Variants in ZNF544 observed in about 807,000 individuals in gnomAD.
ZNF544 encodes the protein zinc finger protein 544.
ZNF544 carries 10 observed loss-of-function variants against 13.5 expected under a neutral mutation model. The observed-to-expected ratio is 0.74, with a 90% CI of 0.46 to 1.25. The LOEUF (loss-of-function observed/expected upper bound fraction) is 1.25. ZNF544 is among the 50% of genes most tolerant of loss of function. The probability of loss-of-function intolerance (pLI) is 0.00; values close to 1 mark genes in which losing one functional copy is unlikely to be tolerated. For synonymous variants in ZNF544, 323 were observed against 300.5 expected, an observed-to-expected ratio of 1.07 and a Z score of -0.77; for missense variants, 896 against 845.6, an observed-to-expected ratio of 1.06 and a Z score of -0.74.
At chr19:58,269,196 A>G (rs1295340063) in intron 5 of ZNF544, among the ~76,000 whole-genome samples, 1 of 152,138 alleles carries the variant, frequency 6.6e-6, no homozygotes, top group African/African-American at 2.4e-5. Flanking sequence ...GCTCTTTGGG[A>G]GGCTGAGGCA....
In ZNF544 at chr19:58,246,583, G is replaced by C. The variant is rs2045268858; in HGVS notation, c.161-128G>C. The C allele has an allele frequency of 2.7e-6, 4 of 1,458,224 alleles. No individual in the cohort carries two copies. The South Asian group carries it at 3.9e-5, about 14-fold the overall frequency. The allele number at this position is 1,458,224 out of a possible 1,614,324, so 90.3% of individuals were successfully genotyped here. On this transcript the variant is annotated intron_variant, in intron 5 of 6. Coordinates refer to ENST00000687789, the MANE Select transcript of ZNF544 (RefSeq NM_014480.4). ...TGCCCTTCATTCTATCTCTGGGACA[G>C]GTTTGTGACTTGTAGTCCTAACAGT...
chr19:58,232,765 T>TAAAA (rs529610316), intron 3 of ZNF544, among the ~76,000 whole-genome samples: 5 of 108,164 alleles, frequency 4.6e-5, no homozygotes, highest in African/African-American at 6.6e-5. Context: ...CCGTCTCTAC[T>TAAAA]AAAAAAAAAA....
chr19:58,269,541 G>T (rs1270730617), intron 5 of ZNF544, among the ~76,000 whole-genome samples: 1 of 151,182 alleles, frequency 6.6e-6, no homozygotes, highest in Non-Finnish European at 1.5e-5. Context: ...AACCCAGGAG[G>T]TGGAGGTTGC....
chr19:58,272,078 T>G (rs1237267919), intron 5 of ZNF544, among the ~76,000 whole-genome samples: 1 of 149,792 alleles, frequency 6.7e-6, no homozygotes, highest in East Asian at 2.0e-4. Flanking sequence ...GGAGAATCGC[T>G]GGAACCCGGG....
At position 58,261,331 on chromosome 19, in the gene ZNF544, A is replaced by T; in HGVS notation, c.725A>T (p.Tyr242Phe). ...GNVETGKKNP[Y>F]EYIVSGDSLN... Reference sequence around the variant, plus strand: ...GTTGAAACAGGAAAGAAAAACCCTTATGAATATATTGTCAGTGGTGACTCT... The same window carrying T: ...GTTGAAACAGGAAAGAAAAACCCTTTTGAATATATTGTCAGTGGTGACTCT... Residue 242 changes from tyrosine (Y) to phenylalanine (F), a missense_variant, in exon 7 of 7, where the codon TAT becomes TTT. Physicochemically the swap from Tyr to Phe is conservative, Grantham distance 22. Transcript: ENST00000687789. 6.2e-7 allele frequency: 1 copy of T among 1,614,154 alleles called. No homozygotes were observed.
downstream of ZNF544, among the ~76,000 whole-genome samples, chr19:58,268,943 AT>A (rs976055526): frequency 7.2e-5 from 11 of 152,224 alleles, no homozygotes; most frequent in East Asian, 2.1e-3. Context: ...AGAAACTATT[AT>A]TTTTTAACAC....
rs578124231 is a variant in ZNF544 at position 58,232,658 on chromosome 19, G to C, written c.-60+2196G>C. Among the ~76,000 whole-genome samples, 4 of 151,222 alleles carry C rather than the reference G, an allele frequency of 2.6e-5. No individual in the cohort carries two copies. In the South Asian group the frequency reaches 6.2e-4, roughly 24 times the overall value. ...ATAAAGACATATCCGGGCCGGGCGC[G>C]GTGGCTCACGCCTGTAATCCCAGCA... On this transcript the variant is annotated intron_variant, in intron 3 of 6. Coordinates refer to ENST00000687789, the MANE Select transcript of ZNF544 (RefSeq NM_014480.4).
At chr19:58,253,611 T>G (rs2046678595) in intron 6 of ZNF544, among the ~76,000 whole-genome samples, 1 of 152,138 alleles carries the variant, frequency 6.6e-6, no homozygotes, top group Non-Finnish European at 1.5e-5. Flanking sequence ...GTTAATTTTT[T>G]TTATTTTTAG....
In ZNF544 at chr19:58,246,692, T is replaced by C; in HGVS notation, c.161-19T>C. The C allele has an allele frequency of 6.2e-7, 1 of 1,609,320 alleles. No individual in the cohort carries two copies. Among genetic ancestry groups the C allele is most frequent in the Non-Finnish European group, 8.5e-7 (1 of 1,176,892 alleles). On this transcript the variant is annotated intron_variant, in intron 5 of 6. Coordinates refer to ENST00000687789, the MANE Select transcript of ZNF544 (RefSeq NM_014480.4). ...GGTGTCCAAGCAGAGGGGCAAGTCC[T>C]TTTTCCGTCTTTGACCAGGGCTTTT...
Position 58,262,302 on chromosome 19 carries a change from C to CGTAT in ZNF544, c.1696_1697insGTAT (p.His566ArgfsTer31). The CGTAT allele has an allele frequency of 6.2e-7, 1 of 1,614,004 alleles. No homozygotes were observed. The highest frequency in any genetic ancestry group is 8.5e-7 in the Non-Finnish European group (1 of 1,180,024). On this transcript the variant is annotated frameshift_variant, in exon 7 of 7. Transcript: ENST00000687789. LOFTEE classifies it low-confidence loss of function (END_TRUNC). ...CAGATGGAACTCTAACCTCGTCATA[C>CGTAT]ATCAGAGAATTCATACTGGAGAGAA...
chr19:58,261,351 G>A lies in ZNF544; in HGVS notation c.745G>A (p.Asp249Asn), dbSNP rs1376134758. 1.2e-6 allele frequency: 2 copies of A among 1,614,136 alleles called. No homozygotes were observed. The highest frequency in any genetic ancestry group is 2.2e-5 in the South Asian group (2 of 91,066). ...CCCTTATGAATATATTGTCAGTGGT[G>A]ACTCTCTCAACTATGGTTCCTCCCT... ...KNPYEYIVSGDSLNYGSSLCF... is the reference protein window; with the variant it reads ...KNPYEYIVSGNSLNYGSSLCF... The change falls in exon 7 of 7, where the codon GAC (aspartate) becomes AAC (asparagine). Residue 249 changes from aspartate to asparagine, a missense_variant. By Grantham distance (23) the Asp-to-Asn change is conservative. Transcript: ENST00000687789.
At position 58,245,192 on chromosome 19, in the gene ZNF544, G is replaced by T. The variant is rs371655687; in HGVS notation, c.34-1109G>T. Among the ~76,000 whole-genome samples, 433 of 151,496 alleles carry T rather than the reference G, an allele frequency of 2.9e-3. 4 individuals carry two copies. Among genetic ancestry groups the T allele is most frequent in the African/African-American group, 1.0e-2 (413 of 41,332 alleles). On this transcript the variant is annotated intron_variant, in intron 4 of 6. Coordinates refer to ENST00000687789, the MANE Select transcript of ZNF544 (RefSeq NM_014480.4). ...TGACCTCAAGTAATCCACCCATCTC[G>T]GCCTCCCAAAGTGTTGGGATTACAG...
At chr19:58,260,454 A>G (rs1005693193) in intron 6 of ZNF544, 1 of 152,274 alleles carries the variant, frequency 6.6e-6, no homozygotes, top group Non-Finnish European at 1.5e-5. Flanking sequence ...TTTTTTTTTT[A>G]TTTTTATTAG....
At chr19:58,271,942 A>G (rs2050683313) in intron 5 of ZNF544, among the ~76,000 whole-genome samples, 1 of 152,004 alleles carries the variant, frequency 6.6e-6, no homozygotes, top group South Asian at 2.1e-4. Context: ...CGGGCGGATC[A>G]CTTGAGGTCA....
chr19:58,263,277 A>G lies in ZNF544; in HGVS notation c.*523A>G. 1.1e-6 allele frequency: 1 copy of G among 896,356 alleles called. No individual in the cohort carries two copies. Among genetic ancestry groups the G allele is most frequent in the Non-Finnish European group, 1.3e-6 (1 of 757,646 alleles). The allele number at this position is 896,356 out of a possible 1,614,324, so 55.5% of individuals were successfully genotyped here. A position where few individuals can be genotyped will look rare whatever the true frequency, so the allele number is the denominator to read the frequency against. On this transcript the variant is annotated 3_prime_UTR_variant, in exon 7 of 7. Transcript: ENST00000687789. ...GGAGTTTGAAACCAGCCTGGGTAAC[A>G]TGGCAAAATCCTGTCTTTACAAAAA...
rs2147677559 is a variant in ZNF544 at position 58,261,126 on chromosome 19, CTACCTACAACAT to C, written c.530_541del (p.Thr177_Thr180del). On this transcript the variant is annotated inframe_deletion, in exon 7 of 7. Coordinates refer to ENST00000687789, the MANE Select transcript of ZNF544 (RefSeq NM_014480.4). The stretch of plus-strand genomic sequence containing the variant: ...TTCTCTACCTTCTACTTTAAGCCTT[CTACCTACAACAT>C]TACCTACAAGTACAGGTTTCCCTAA... 6.2e-7 allele frequency: 1 copy of C among 1,614,134 alleles called. No homozygotes were observed. Among genetic ancestry groups the C allele is most frequent in the East Asian group, 2.2e-5 (1 of 44,880 alleles).
intron 3 of ZNF544, among the ~76,000 whole-genome samples, chr19:58,235,097 T>C (rs2042105034): frequency 6.6e-6 from 1 of 152,244 alleles, no homozygotes; most frequent in Admixed American, 6.5e-5. Flanking sequence ...GTTAGGTGAC[T>C]TTGTTGTGTG....
chr19:58,245,113 A>G (rs532581057), intron 4 of ZNF544, among the ~76,000 whole-genome samples: 6 of 151,596 alleles, frequency 4.0e-5, no homozygotes, highest in African/African-American at 1.5e-4. Flanking sequence ...ACACCCAGCT[A>G]ATTTTTTGTA....
At chr19:58,239,184 C>T (rs73056286) in intron 3 of ZNF544, among the ~76,000 whole-genome samples, 6,260 of 152,280 alleles carry the variant, frequency 0.041, 159 homozygotes, top group Non-Finnish European at 0.063. Flanking sequence ...CCGCAAGGTT[C>T]TTCCTCCCTG....
Sources: gnomAD v4.1 joint callset for allele counts (sites outside exome capture counted in the v4.1 genomes callset) on GRCh38, gnomAD v4.1.1 for gene constraint, MANE v1.5 for transcripts, NCBI Gene and HGNC (gene_info 2026-07-23, HGNC 2026-07-21) for gene names.